Variants in CNTLN observed in about 807,000 individuals in gnomAD.
CNTLN encodes the protein centlein.
CNTLN carries 212 observed loss-of-function variants against 180.0 expected under a neutral mutation model. The observed-to-expected ratio is 1.18, with a 90% CI of 1.05 to 1.32. CNTLN has a LOEUF of 1.32. Ranked by LOEUF, CNTLN falls within the 40% of genes most tolerant of loss-of-function variation. CNTLN has a pLI of 0.00. For synonymous variants in CNTLN, 722 were observed against 563.1 expected, an observed-to-expected ratio of 1.28 and a Z score of -3.99; for missense variants, 2,095 against 1,610.9, an observed-to-expected ratio of 1.30 and a Z score of -5.14.
intron 5 of CNTLN, among the ~76,000 whole-genome samples, chr9:17,260,855 G>T (rs932719851): frequency 6.6e-6 from 1 of 151,102 alleles, no homozygotes; most frequent in African/African-American, 2.5e-5. Context: ...CTTGAGTATG[G>T]TGTAAGGAAG....
intron 18 of CNTLN, among the ~76,000 whole-genome samples, chr9:17,456,886 A>G (rs1049268416): frequency 6.6e-6 from 1 of 152,178 alleles, no homozygotes; most frequent in African/African-American, 2.4e-5. Flanking sequence ...TATGTCATTT[A>G]GCAAAATGTT....
At position 17,293,610 on chromosome 9, in the gene CNTLN, C is replaced by G. The variant is rs1015119851; in HGVS notation, c.984-4580C>G. 2.0e-5 allele frequency among the ~76,000 whole-genome samples: 3 copies of G among 152,354 alleles called. No homozygotes were observed. The South Asian group carries it at 6.2e-4, about 32-fold the overall frequency. ...GTGGGGAATTCCATCTGGGTCCAAA[C>G]CATCTAGTCTTCCTGGCACTGGCAG... On this transcript the variant is annotated intron_variant, in intron 6 of 25. Transcript: ENST00000380647.
At chr9:17,372,037 G>A (rs1035591078) in intron 13 of CNTLN, among the ~76,000 whole-genome samples, 2 of 151,828 alleles carry the variant, frequency 1.3e-5, no homozygotes, top group African/African-American at 2.4e-5. Context: ...ATAACTTAAC[G>A]ATGCATCTTG....
chr9:17,364,833 T>C (rs572623551), intron 12 of CNTLN, among the ~76,000 whole-genome samples: 146 of 152,300 alleles, frequency 9.6e-4, no homozygotes, highest in African/African-American at 3.3e-3. Context: ...TATTTTTGAT[T>C]GTTCATGTTT....
chr9:17,237,939 T>G (rs1163840571), intron 5 of CNTLN, among the ~76,000 whole-genome samples: 1 of 152,204 alleles, frequency 6.6e-6, no homozygotes, highest in Non-Finnish European at 1.5e-5. Context: ...TATATCAGTT[T>G]CTGCTTCTGT....
At chr9:17,507,125 T>C (rs1285916003), downstream of CNTLN, among the ~76,000 whole-genome samples, 1 of 152,164 alleles carries the variant, frequency 6.6e-6, no homozygotes, top group Non-Finnish European at 1.5e-5. Flanking sequence ...ACATAGTTTT[T>C]CAACCCTCTC....
At chr9:17,305,356 C>T (rs951693960) in intron 7 of CNTLN, among the ~76,000 whole-genome samples, 13 of 151,992 alleles carry the variant, frequency 8.6e-5, no homozygotes, top group Admixed American at 2.6e-4. Context: ...CTTATCCATT[C>T]GAGCTTTTTG....
At chr9:17,364,793 A>G (rs1007223011) in intron 12 of CNTLN, among the ~76,000 whole-genome samples, 5 of 152,112 alleles carry the variant, frequency 3.3e-5, no homozygotes, top group East Asian at 1.9e-4. Context: ...ACCCTCCAGT[A>G]TACTCTGGCC....
At chr9:17,292,365 G>T (rs1357897075) in intron 6 of CNTLN, among the ~76,000 whole-genome samples, 1 of 152,176 alleles carries the variant, frequency 6.6e-6, no homozygotes, top group African/African-American at 2.4e-5. Flanking sequence ...TTAGGTTAGG[G>T]AAGTTTTCCT....
chr9:17,383,738 C>T (rs983794054), intron 13 of CNTLN, among the ~76,000 whole-genome samples: 3 of 151,620 alleles, frequency 2.0e-5, no homozygotes, highest in African/African-American at 7.3e-5. Context: ...CCTGGGTTCA[C>T]GCCATTCTCC....
At chr9:17,435,156 T>G (rs1829688425) in intron 18 of CNTLN, among the ~76,000 whole-genome samples, 1 of 152,218 alleles carries the variant, frequency 6.6e-6, no homozygotes, top group Admixed American at 6.5e-5. Context: ...GGCTTATTTC[T>G]GCCCTGCTTT....
intron 5 of CNTLN, among the ~76,000 whole-genome samples, chr9:17,253,635 A>G (rs975947256): frequency 3.3e-5 from 5 of 150,960 alleles, no homozygotes; most frequent in Non-Finnish European, 5.9e-5. Flanking sequence ...ACTTTACTGA[A>G]TTTATTTATC....
At chr9:17,456,272 G>A (rs1831108248) in intron 18 of CNTLN, among the ~76,000 whole-genome samples, 1 of 151,966 alleles carries the variant, frequency 6.6e-6, no homozygotes, top group Non-Finnish European at 1.5e-5. Flanking sequence ...CTCTTTTGGG[G>A]CAACTCATGA....
intron 12 of CNTLN, among the ~76,000 whole-genome samples, chr9:17,352,389 AATATAT>A (rs373257904): frequency 2.6e-3 from 222 of 84,232 alleles, no homozygotes; most frequent in Admixed American, 6.3e-3. Flanking sequence ...CTCAAGCTAG[AATATAT>A]ATATATATAT....
intron 15 of CNTLN, among the ~76,000 whole-genome samples, chr9:17,399,128 AGTT>A (rs1287550451): frequency 2.0e-5 from 3 of 152,170 alleles, no homozygotes; most frequent in Non-Finnish European, 4.4e-5. Flanking sequence ...TTCTTTAAAT[AGTT>A]GTTGTTCTTT....
chr9:17,190,612 A>G (rs1821733607), intron 2 of CNTLN, among the ~76,000 whole-genome samples: 1 of 152,164 alleles, frequency 6.6e-6, no homozygotes. Context: ...AGTGATCTTT[A>G]TATCTGGAAT....
chr9:17,386,768 G>A (rs757374738), intron 13 of CNTLN, among the ~76,000 whole-genome samples: 19 of 152,190 alleles, frequency 1.2e-4, no homozygotes, highest in Non-Finnish European at 2.4e-4. Flanking sequence ...TTTATTGGAA[G>A]TATTTAGCTA....
intron 2 of CNTLN, among the ~76,000 whole-genome samples, chr9:17,211,107 G>T (rs1823271656): frequency 1.3e-5 from 2 of 152,126 alleles, no homozygotes; most frequent in Non-Finnish European, 2.9e-5. Flanking sequence ...TGCTTTTGGT[G>T]TTTTAGACAT....
chr9:17,410,495 T>G (rs1446225424), intron 16 of CNTLN, among the ~76,000 whole-genome samples: 1 of 152,162 alleles, frequency 6.6e-6, no homozygotes, highest in East Asian at 1.9e-4. Flanking sequence ...TGTGCCTTTT[T>G]TCTTTTCTCA....
Sources: gnomAD v4.1 joint callset for allele counts (sites outside exome capture counted in the v4.1 genomes callset) on GRCh38, gnomAD v4.1.1 for gene constraint, MANE v1.5 for transcripts, NCBI Gene and HGNC (gene_info 2026-07-23, HGNC 2026-07-21) for gene names.